COL28A1: variants seen among roughly 807,000 people sequenced by gnomAD.
COL28A1 encodes the protein collagen type XXVIII alpha 1 chain.
Under a neutral mutation model 150.2 loss-of-function variants are expected in COL28A1, and 161 were observed. The observed-to-expected ratio is 1.07, with a 90% CI of 0.94 to 1.22. The LOEUF (loss-of-function observed/expected upper bound fraction) is 1.22. Ranked by LOEUF, COL28A1 falls within the 50% of genes most tolerant of loss-of-function variation. The probability of loss-of-function intolerance (pLI) is 0.00; values close to 1 mark genes in which losing one functional copy is unlikely to be tolerated. For synonymous variants in COL28A1, 552 were observed against 469.7 expected (o/e 1.18, Z -2.26); for missense variants, 1,617 against 1,388.3 (o/e 1.16, Z -2.62).
chr7:7,415,710 T>G (rs991983385), intron 27 of COL28A1, among the ~76,000 whole-genome samples: 1 of 151,994 alleles, frequency 6.6e-6, no homozygotes, highest in African/African-American at 2.4e-5. Flanking sequence ...ATTTTTGTAT[T>G]TTTAGTAGAG....
At chr7:7,465,276 A>AG (rs59981715) in intron 15 of COL28A1, among the ~76,000 whole-genome samples, 145,358 of 145,360 alleles carry the variant, frequency 1, 72,678 homozygotes, top group Non-Finnish European at 1. Context: ...AAGCAGGGCG[A>AG]GCATTGCCTC....
intron 15 of COL28A1, among the ~76,000 whole-genome samples, chr7:7,465,243 G>C (rs1402579805): frequency 6.9e-6 from 1 of 144,850 alleles, no homozygotes; most frequent in African/African-American, 2.6e-5. Flanking sequence ...CGGCCAGTGT[G>C]TGTGCGCACC....
chr7:7,478,991 G>A lies in COL28A1; in HGVS notation c.1165-1811C>T, dbSNP rs894364179. ...GCCATCCCAGGAAGGGGCTCCCACAGTGCAGCGGTGGGCTGAAGGGCTCCT... is the reference window on the plus strand; with the variant it reads ...GCCATCCCAGGAAGGGGCTCCCACAATGCAGCGGTGGGCTGAAGGGCTCCT... On this transcript the variant is annotated intron_variant, in intron 13 of 34. Transcript: ENST00000399429. Among the ~76,000 whole-genome samples the A allele has an allele frequency of 2.6e-5, 4 of 152,374 alleles. No individual in the cohort carries two copies. The East Asian group carries it at 7.7e-4, about 29-fold the overall frequency.
At position 7,373,006 on chromosome 7, in the gene COL28A1, G is replaced by C. The variant is rs780888062; in HGVS notation, c.2900C>G (p.Thr967Ser). Reference protein sequence around the residue: ...EHVYQFDDFFTLQDTLKQKLF... With the variant: ...EHVYQFDDFFSLQDTLKQKLF... Reference sequence around the variant, plus strand: ...CAGATAGCCTTCCTTACCTTGCAGGGTAAAGAAATCATCAAACTGGTAAAC... The same window carrying C: ...CAGATAGCCTTCCTTACCTTGCAGGCTAAAGAAATCATCAAACTGGTAAAC... Residue 967 changes from threonine to serine, a missense_variant, in exon 32 of 35, where the codon ACC (threonine) becomes AGC (serine). Physicochemically the swap from Thr to Ser is moderately conservative, Grantham distance 58. Transcript: ENST00000399429. This position sits in a 1 kb window ranked among gnomAD's most constrained non-coding sequence, Gnocchi z 4.1. 1 of 1,613,004 alleles carries C rather than the reference G, an allele frequency of 6.2e-7. No individual in the cohort carries two copies. The highest frequency in any genetic ancestry group is 1.1e-5 in the South Asian group (1 of 90,852).
chr7:7,496,444 G>A (rs1350260263), intron 11 of COL28A1, among the ~76,000 whole-genome samples: 1 of 152,174 alleles, frequency 6.6e-6, no homozygotes, highest in African/African-American at 2.4e-5. Flanking sequence ...GCAGTTCCCT[G>A]TGGTTCACTT....
chr7:7,473,624 G>A (rs1244252199), intron 15 of COL28A1, among the ~76,000 whole-genome samples: 1 of 152,188 alleles, frequency 6.6e-6, no homozygotes, highest in Admixed American at 6.5e-5. Context: ...GGAAAACAGT[G>A]TGGAGATTCC....
intron 13 of COL28A1, 76 bp downstream of exon 13, chr7:7,489,313 C>G: frequency 1.2e-6 from 1 of 831,526 alleles, no homozygotes; most frequent in South Asian, 1.4e-5. Flanking sequence ...TTAATCTGAC[C>G]ATTTATCCTA....
intron 25 of COL28A1, chr7:7,420,456 T>G (rs1784336456): frequency 6.6e-6 from 1 of 152,464 alleles, no homozygotes; most frequent in Non-Finnish European, 1.5e-5. Context: ...AGAAAATTGG[T>G]GGTACCTGAT....
rs534399879 is a variant in COL28A1 at position 7,387,944 on chromosome 7, G to C, written c.2137-6332C>G. On this transcript the variant is annotated intron_variant, in intron 27 of 34. Transcript: ENST00000399429. The stretch of plus-strand genomic sequence containing the variant: ...TCCCTACGCAGAAACAGCTTCTGCT[G>C]TTTGAATTCAGGAGGCTTCTACTGT... 6.8e-4 allele frequency among the ~76,000 whole-genome samples: 104 copies of C among 152,262 alleles called. 1 individual carries two copies. Among genetic ancestry groups the C allele is most frequent in the African/African-American group, 2.5e-3 (103 of 41,546 alleles).
intron 23 of COL28A1, among the ~76,000 whole-genome samples, chr7:7,435,840 T>C (rs182021386): frequency 6.6e-6 from 1 of 152,170 alleles, no homozygotes; most frequent in African/African-American, 2.4e-5. Context: ...TAAACAGAGA[T>C]ATGCTGGTTG....
At chr7:7,455,390 T>C (rs562806588) in intron 16 of COL28A1, among the ~76,000 whole-genome samples, 21 of 152,328 alleles carry the variant, frequency 1.4e-4, no homozygotes, top group African/African-American at 5.1e-4. Flanking sequence ...TTTAGATTTA[T>C]CACAATACCC....
At chr7:7,482,380 C>G (rs1779378750) in intron 13 of COL28A1, among the ~76,000 whole-genome samples, 1 of 151,944 alleles carries the variant, frequency 6.6e-6, no homozygotes, top group Non-Finnish European at 1.5e-5. Flanking sequence ...CAAAAATTAG[C>G]CAGGTCTGGT....
intron 11 of COL28A1, among the ~76,000 whole-genome samples, chr7:7,503,450 G>T (rs1250572452): frequency 6.6e-6 from 1 of 152,158 alleles, no homozygotes; most frequent in Non-Finnish European, 1.5e-5. Context: ...AGAGAATACA[G>T]AATTACTGAA....
chr7:7,480,091 C>A (rs1789264965), intron 13 of COL28A1, among the ~76,000 whole-genome samples: 1 of 152,170 alleles, frequency 6.6e-6, no homozygotes, highest in Non-Finnish European at 1.5e-5. Flanking sequence ...GCTTGAGATA[C>A]AGTAATCCAG....
intron 25 of COL28A1, 30 bp downstream of exon 25, chr7:7,432,443 G>A (rs1785037026): frequency 2.5e-6 from 4 of 1,597,040 alleles, no homozygotes; most frequent in Non-Finnish European, 3.4e-6. Flanking sequence ...ACTCTTAGAA[G>A]CTAGTACGTT....
At chr7:7,525,046 G>A (rs183969771) in intron 3 of COL28A1, among the ~76,000 whole-genome samples, 163 of 152,124 alleles carry the variant, frequency 1.1e-3, no homozygotes, top group Non-Finnish European at 2.0e-3. Flanking sequence ...GGCTAACTTA[G>A]GGGAAAAACT....
At chr7:7,383,176 G>GA (rs1353069802) in intron 27 of COL28A1, among the ~76,000 whole-genome samples, 2 of 151,502 alleles carry the variant, frequency 1.3e-5, no homozygotes, top group Non-Finnish European at 2.9e-5. Flanking sequence ...ATCTCTATCT[G>GA]AAATTCATAT....
At chr7:7,529,506 C>A (rs929262578) in intron 3 of COL28A1, among the ~76,000 whole-genome samples, 1 of 152,058 alleles carries the variant, frequency 6.6e-6, no homozygotes, top group African/African-American at 2.4e-5. Flanking sequence ...AAGCTGAAGT[C>A]GCCGGATGCT....
chr7:7,441,529 A>C (rs994406852), intron 20 of COL28A1, among the ~76,000 whole-genome samples: 14 of 151,882 alleles, frequency 9.2e-5, no homozygotes, highest in Admixed American at 5.3e-4. Flanking sequence ...CAAACGAAAA[A>C]AAAAAAAAAA....
Sources: allele counts gnomAD v4.1 joint callset (sites outside exome capture counted in the v4.1 genomes callset), GRCh38; gene constraint gnomAD v4.1.1; non-coding constraint Gnocchi (gnomAD v3.1); transcripts MANE v1.5; gene names NCBI Gene and HGNC (gene_info 2026-07-23, HGNC 2026-07-21).